Variants in PCDHA4 observed in about 807,000 individuals in gnomAD.
The protein encoded by PCDHA4 is protocadherin alpha-4.
PCDHA4 carries 49 observed loss-of-function variants against 61.4 expected under a neutral mutation model. That is an observed-to-expected ratio of 0.80 (90% CI 0.63 to 1.01). The LOEUF (loss-of-function observed/expected upper bound fraction) is 1.01, where lower values mean the gene tolerates loss of function less well. Ranked by LOEUF, PCDHA4 falls within the 50% of genes least tolerant of loss-of-function variation. The pLI is 0.00. For missense variants in PCDHA4, 1,254 were observed against 1,235.8 expected, an observed-to-expected ratio of 1.01 and a Z score of -0.22; for synonymous variants, 590 against 550.3, an observed-to-expected ratio of 1.07 and a Z score of -1.01.
At chr5:140,975,045 A>G (rs1249490997) in intron 1 of PCDHA4, among the ~76,000 whole-genome samples, 1 of 152,112 alleles carries the variant, frequency 6.6e-6, no homozygotes, top group Non-Finnish European at 1.5e-5. Context: ...GGCTCTTAGG[A>G]AGAATCTACT....
intron 1 of PCDHA4, among the ~76,000 whole-genome samples, chr5:140,918,473 T>A (rs1385942505): frequency 6.6e-6 from 1 of 152,166 alleles, no homozygotes; most frequent in African/African-American, 2.4e-5. Context: ...ATTCCAAGTC[T>A]CAAGGGGAAT....
At chr5:140,881,425 G>A (rs2058709101) in intron 1 of PCDHA4, 2 of 901,294 alleles carry the variant, frequency 2.2e-6, no homozygotes, top group Non-Finnish European at 1.3e-6. Flanking sequence ...TTAGTTCCAG[G>A]CATATTTTAT....
rs2150133242 is a variant in PCDHA4, at chr5:140,824,221, T to C, written c.2385+14649T>C. 5 of 1,560,374 alleles carry C rather than the reference T, an allele frequency of 3.2e-6. No homozygotes were observed. The Admixed American group carries it at 8.4e-5, about 26-fold the overall frequency. ...ACTTTTTTTGTATTTAAAAATTATG[T>C]CTTAGTACACAAATATTGTGGTACA... On this transcript the variant is annotated intron_variant, in intron 1 of 3. Transcript: ENST00000530339.
chr5:140,829,536 C>A, intron 1 of PCDHA4: 1 of 1,613,152 alleles, frequency 6.2e-7, no homozygotes, highest in Middle Eastern at 1.9e-4. Flanking sequence ...GCGCGAGACG[C>A]GGACGCGCAG....
At chr5:140,942,663 A>G (rs2153659608) in intron 1 of PCDHA4, among the ~76,000 whole-genome samples, 1 of 152,294 alleles carries the variant, frequency 6.6e-6, no homozygotes, top group African/African-American at 2.4e-5. Context: ...AAAAGCAATA[A>G]GCACAAAAGT....
chr5:140,866,758 A>T (rs1554160534), intron 1 of PCDHA4: 1 of 152,196 alleles, frequency 6.6e-6, no homozygotes, highest in Non-Finnish European at 1.5e-5. Flanking sequence ...CTAACAGGAC[A>T]TACAGGCAGA....
At chr5:140,866,021 G>A (rs2049106478) in intron 1 of PCDHA4, 1 of 152,210 alleles carries the variant, frequency 6.6e-6, no homozygotes, top group Middle Eastern at 3.4e-3. Flanking sequence ...TTTCTTGTAA[G>A]AGTTCGTGAT....
At position 141,010,447 on chromosome 5, in the gene PCDHA4, A is replaced by G. The variant is rs1343052000; in HGVS notation, c.*510A>G. On this transcript the variant is annotated 3_prime_UTR_variant, in exon 4 of 4. Coordinates refer to ENST00000530339, the MANE Select transcript of PCDHA4 (RefSeq NM_018907.4). Reference sequence around the variant, plus strand: ...GGCAAGAAAACAAAGACAAATAAACAGCGGAAGTTATCAGTATGGAGGGGA... The same window carrying G: ...GGCAAGAAAACAAAGACAAATAAACGGCGGAAGTTATCAGTATGGAGGGGA... 2 of 935,278 alleles carry G rather than the reference A, an allele frequency of 2.1e-6. No homozygotes were observed. Among genetic ancestry groups the G allele is most frequent in the Non-Finnish European group, 3.1e-6 (2 of 648,428 alleles). The allele number at this position is 935,278 out of a possible 1,614,324, so 57.9% of individuals were successfully genotyped here.
intron 1 of PCDHA4, chr5:140,816,567 T>G (rs1765950610): frequency 6.6e-6 from 1 of 151,966 alleles, no homozygotes; most frequent in African/African-American, 2.4e-5. Flanking sequence ...ATGTTTCCTG[T>G]TTTCTCATAT....
rs1294664970 is a variant in PCDHA4, at chr5:140,858,562, T to C, written c.2385+48990T>C. On this transcript the variant is annotated intron_variant, in intron 1 of 3. Transcript: ENST00000530339. Reference sequence around the variant, plus strand: ...CATTCCATTTATGCTTGAATATTTCTAGTGATACCTTTGTAATATAATTTA... The same window carrying C: ...CATTCCATTTATGCTTGAATATTTCCAGTGATACCTTTGTAATATAATTTA... 46 of 1,371,718 alleles carry C rather than the reference T, an allele frequency of 3.4e-5. 2 individuals carry two copies. Among genetic ancestry groups the C allele is most frequent in the Non-Finnish European group, 4.5e-5 (45 of 990,734 alleles). 85.0% of individuals were successfully genotyped at this position (1,371,718 alleles called of 1,614,324 possible).
At chr5:140,849,855 G>T (rs2150454163) in intron 1 of PCDHA4, 3 of 1,598,654 alleles carry the variant, frequency 1.9e-6, no homozygotes, top group Non-Finnish European at 2.6e-6. Flanking sequence ...CAACGCACCA[G>T]CGTTCGCGCA....
In PCDHA4 at chr5:140,852,586, T is replaced by TTA. The variant is rs1554145914; in HGVS notation, c.2385+43015_2385+43016insAT. On this transcript the variant is annotated intron_variant, in intron 1 of 3. Transcript: ENST00000530339. ...CCACTGTGCCAAGGCTTTTTTATTTTTTTTTTTTGTCATTTTCTTTCAAAA... is the reference window on the plus strand; with the variant it reads ...CCACTGTGCCAAGGCTTTTTTATTTTTATTTTTTTTGTCATTTTCTTTCAAAA... 25 of 878,568 alleles carry TTA rather than the reference T, an allele frequency of 2.8e-5. 1 individual carries two copies. The highest frequency in any genetic ancestry group is 1.3e-4 in the Admixed American group (2 of 15,686). 54.4% of individuals were successfully genotyped at this position (878,568 alleles called of 1,614,324 possible).
chr5:140,823,125 C>A lies in PCDHA4; in HGVS notation c.2385+13553C>A, dbSNP rs2150122536. 13 of 1,614,046 alleles carry A rather than the reference C, an allele frequency of 8.1e-6. 1 individual carries two copies. The South Asian group carries it at 9.9e-5, about 12-fold the overall frequency. ...TGGAAGTGGCCGACGTGAACGACAA[C>A]GCTCCGGCGTTCGCGCAGCCCCAGT... is the stretch of plus-strand genomic sequence containing the variant. On this transcript the variant is annotated intron_variant, in intron 1 of 3. Transcript: ENST00000530339.
chr5:140,915,966 T>C (rs1420384919), intron 1 of PCDHA4, among the ~76,000 whole-genome samples: 1 of 152,160 alleles, frequency 6.6e-6, no homozygotes, highest in Non-Finnish European at 1.5e-5. Flanking sequence ...ATTTGCCTGA[T>C]ATTTTATTTG....
chr5:140,850,559 C>A, intron 1 of PCDHA4: 3 of 1,598,268 alleles, frequency 1.9e-6, no homozygotes, highest in Non-Finnish European at 2.6e-6. Flanking sequence ...GTGCCACGGG[C>A]CCCGAGGTGA....
chr5:140,880,528 A>T lies in PCDHA4; in HGVS notation c.2385+70956A>T, dbSNP rs539592135. ...GTTTGGTCACATCTCTCAATGTGTGAATCATCTGAAAGTGAACTGATGGAA... is the reference window on the plus strand; with the variant it reads ...GTTTGGTCACATCTCTCAATGTGTGTATCATCTGAAAGTGAACTGATGGAA... On this transcript the variant is annotated intron_variant, in intron 1 of 3. Coordinates refer to ENST00000530339, the MANE Select transcript of PCDHA4 (RefSeq NM_018907.4). 7.9e-5 allele frequency among the ~76,000 whole-genome samples: 12 copies of T among 152,354 alleles called. No homozygotes were observed. The East Asian group carries it at 2.3e-3, about 29-fold the overall frequency.
Position 140,857,776 on chromosome 5 carries a change from CAGTG to C in PCDHA4, c.2385+48207_2385+48210del, listed in dbSNP as rs1342226765. ...CCGCTGGCAGCGCGGGCGGTGCAGTCAGTGAGCTGGTGCTGCGGTCGGTGGTTGC... is the reference window on the plus strand; with the variant it reads ...CCGCTGGCAGCGCGGGCGGTGCAGTCAGCTGGTGCTGCGGTCGGTGGTTGC... On this transcript the variant is annotated intron_variant, in intron 1 of 3. Coordinates refer to ENST00000530339, the MANE Select transcript of PCDHA4 (RefSeq NM_018907.4). 21 of 1,597,526 alleles carry C rather than the reference CAGTG, an allele frequency of 1.3e-5. No homozygotes were observed. In the Admixed American group the frequency reaches 3.4e-4, roughly 26 times the overall value.
intron 1 of PCDHA4, among the ~76,000 whole-genome samples, chr5:140,961,831 T>G (rs1447917023): frequency 6.6e-6 from 1 of 152,194 alleles, no homozygotes; most frequent in African/African-American, 2.4e-5. Flanking sequence ...TGTAAGTTAT[T>G]TCAGTGCCTT....
chr5:140,850,242 C>T (rs2150475130), intron 1 of PCDHA4: 4 of 1,593,608 alleles, frequency 2.5e-6, no homozygotes, highest in African/African-American at 1.3e-5. Flanking sequence ...GATGGTGCTG[C>T]GGTCGGTGGG....
Sources: allele counts gnomAD v4.1 joint callset (sites outside exome capture counted in the v4.1 genomes callset), GRCh38; gene constraint gnomAD v4.1.1; transcripts MANE v1.5; gene names NCBI Gene and HGNC (gene_info 2026-07-23, HGNC 2026-07-21).